USP10: variants seen among roughly 807,000 people sequenced by gnomAD.
The protein encoded by USP10 is ubiquitin carboxyl-terminal hydrolase 10.
Under a neutral mutation model 84.5 loss-of-function variants are expected in USP10, and 22 were observed. That is an observed-to-expected ratio of 0.26 (90% confidence interval 0.19 to 0.37). The LOEUF (loss-of-function observed/expected upper bound fraction) is 0.37, where lower values mean the gene tolerates loss of function less well. Ranked by LOEUF, USP10 falls within the 10% of genes least tolerant of loss-of-function variation. The pLI is 1.00. For missense variants in USP10, 1,019 were observed against 998.9 expected, an observed-to-expected ratio of 1.02 and a Z score of -0.27; for synonymous variants, 454 against 387.6, an observed-to-expected ratio of 1.17 and a Z score of -2.01.
intron 4 of USP10, among the ~76,000 whole-genome samples, chr16:84,755,525 T>C (rs1316001899): frequency 1.3e-5 from 2 of 152,036 alleles, no homozygotes; most frequent in African/African-American, 4.8e-5. Flanking sequence ...TGGGGACCTG[T>C]GCGTATGTTT....
intron 12 of USP10, among the ~76,000 whole-genome samples, chr16:84,773,793 T>C (rs1193988198): frequency 6.6e-6 from 1 of 152,190 alleles, no homozygotes; most frequent in African/African-American, 2.4e-5. Flanking sequence ...GCCGGCTAAG[T>C]CAAAGAAGGC....
intron 13 of USP10, among the ~76,000 whole-genome samples, chr16:84,777,794 G>A (rs1192258010): frequency 1.3e-5 from 2 of 152,230 alleles, no homozygotes; most frequent in Non-Finnish European, 2.9e-5. Context: ...TTTTAGTGCT[G>A]AAATTCCCTA....
rs190353332 is a variant in USP10 at position 84,718,755 on chromosome 16, C to G, written c.22-14680C>G. Among the ~76,000 whole-genome samples, 12 of 150,056 alleles carry G rather than the reference C, an allele frequency of 8.0e-5. No individual in the cohort carries two copies. The East Asian group carries it at 2.4e-3, about 29-fold the overall frequency. On this transcript the variant is annotated intron_variant, in intron 1 of 13. Coordinates refer to ENST00000219473, the MANE Select transcript of USP10 (RefSeq NM_005153.3). ...TGGGCAACAGAGCAAGACTGTCTGA[C>G]AAAAAAACAAAAAAAAAGTTTTTCT... is the stretch of plus-strand genomic sequence containing the variant.
intron 4 of USP10, among the ~76,000 whole-genome samples, chr16:84,758,056 C>T (rs369314047): frequency 6.6e-6 from 1 of 152,202 alleles, no homozygotes; most frequent in Non-Finnish European, 1.5e-5. Context: ...TTTTAATACA[C>T]AGAAAGAGTG....
intron 8 of USP10, among the ~76,000 whole-genome samples, chr16:84,760,837 A>G (rs1913125354): frequency 6.6e-6 from 1 of 152,160 alleles, no homozygotes; most frequent in Non-Finnish European, 1.5e-5. Context: ...TAGCACCGTT[A>G]ACTGGAGCAT....
At chr16:84,701,569 A>T (rs141630688) in intron 1 of USP10, among the ~76,000 whole-genome samples, 8 of 152,250 alleles carry the variant, frequency 5.3e-5, no homozygotes, top group African/African-American at 1.9e-4. Context: ...AAGGCTCATT[A>T]TGAATTAATG....
chr16:84,758,863 G>T, intron 5 of USP10, 56 bp downstream of exon 5: 1 of 1,295,234 alleles, frequency 7.7e-7, no homozygotes, highest in African/African-American at 1.5e-5. Flanking sequence ...TCCCTCCTTT[G>T]GGTGCATGTG....
chr16:84,762,340 C>A (rs1003369495), intron 8 of USP10, among the ~76,000 whole-genome samples: 3 of 152,154 alleles, frequency 2.0e-5, no homozygotes, highest in Non-Finnish European at 4.4e-5. Flanking sequence ...TCTAGTTCTT[C>A]GTCTTCTATT....
chr16:84,745,201 G>A lies in USP10; in HGVS notation c.720G>A (p.Gly240=). Residue 240 remains glycine, a synonymous_variant, in exon 4 of 14, where the codon GGG becomes GGA. Coordinates refer to ENST00000219473, the MANE Select transcript of USP10 (RefSeq NM_005153.3). The part of the protein sequence containing the change: ...GALGSDTRTA[G]QPEGGPGADF... The stretch of plus-strand genomic sequence containing the variant: ...TCGGCAGTGACACCAGGACTGCAGG[G>A]CAGCCAGAGGGGGGCCCCGGGGCTG... 1.2e-6 allele frequency: 2 copies of A among 1,613,294 alleles called. No homozygotes were observed. Among genetic ancestry groups the A allele is most frequent in the Non-Finnish European group, 1.7e-6 (2 of 1,179,592 alleles).
Position 84,742,209 on chromosome 16 carries a change from CTGTT to C in USP10, c.151+1842_151+1845del, listed in dbSNP as rs532664099. Reference sequence around the variant, plus strand: ...GGTTGTCCTTCACCTCAAGCACTGCCTGTTTTAGATGTTCCTAAAGCTTGAGATA... The same window carrying C: ...GGTTGTCCTTCACCTCAAGCACTGCCTTAGATGTTCCTAAAGCTTGAGATA... On this transcript the variant is annotated intron_variant, in intron 3 of 13. Coordinates refer to ENST00000219473, the MANE Select transcript of USP10 (RefSeq NM_005153.3). 1.5e-4 allele frequency among the ~76,000 whole-genome samples: 23 copies of C among 152,312 alleles called. No homozygotes were observed. The East Asian group carries it at 4.2e-3, about 28-fold the overall frequency.
intron 9 of USP10, among the ~76,000 whole-genome samples, chr16:84,763,350 C>G (rs1466540132): frequency 6.6e-6 from 1 of 152,202 alleles, no homozygotes; most frequent in Admixed American, 6.5e-5. Flanking sequence ...TTGATGAATA[C>G]CTTTATAATT....
At position 84,772,581 on chromosome 16, in the gene USP10, C is replaced by G. The variant is rs934436435; in HGVS notation, c.2039C>G (p.Pro680Arg). 3 of 1,613,864 alleles carry G rather than the reference C, an allele frequency of 1.9e-6. No individual in the cohort carries two copies. Among genetic ancestry groups the G allele is most frequent in the African/African-American group, 1.3e-5 (1 of 74,932 alleles). Residue 680 changes from proline (P) to arginine (R), a missense_variant, in exon 12 of 14, where the codon CCT becomes CGT. Pro to Arg is a moderately radical substitution (Grantham distance 103, BLOSUM62 -2). This residue lies in a region of USP10 where 232 missense variants were observed against 290.1 expected (regional missense o/e 0.80). Coordinates refer to ENST00000219473, the MANE Select transcript of USP10 (RefSeq NM_005153.3). ...SRRVTLEKLP[P>R]VLVLHLKRFV... ...AGAGTGACTCTGGAAAAACTCCCTC[C>G]TGTCCTCGTGCTGCACCTGAAACGA...
At position 84,771,054 on chromosome 16, in the gene USP10, C is replaced by CAA. The variant is rs34058047; in HGVS notation, c.1999-1472_1999-1471dup. Among the ~76,000 whole-genome samples, 1,085 of 130,684 alleles carry CAA rather than the reference C, an allele frequency of 8.3e-3. 8 individuals are homozygous for CAA. Among genetic ancestry groups the CAA allele is most frequent in the African/African-American group, 0.03 (1,018 of 33,610 alleles). The allele number at this position is 130,684 out of a possible 152,430, so 85.7% of individuals were successfully genotyped here. Reference sequence around the variant, plus strand: ...CCTCGATGACAGAGCGAGACTGTCTCAAAAAAAAAAAAAAAAGTGTTATCC... The same window carrying CAA: ...CCTCGATGACAGAGCGAGACTGTCTCAAAAAAAAAAAAAAAAAAGTGTTATCC... On this transcript the variant is annotated intron_variant, in intron 11 of 13. Coordinates refer to ENST00000219473, the MANE Select transcript of USP10 (RefSeq NM_005153.3).
intron 12 of USP10, among the ~76,000 whole-genome samples, chr16:84,773,701 G>A (rs1047894436): frequency 8.5e-5 from 13 of 152,262 alleles, no homozygotes; most frequent in South Asian, 2.1e-4. Flanking sequence ...TTGAGGACCA[G>A]CAAGAGGAAG....
At chr16:84,722,815 C>T (rs1476862047) in intron 1 of USP10, among the ~76,000 whole-genome samples, 1 of 152,194 alleles carries the variant, frequency 6.6e-6, no homozygotes, top group African/African-American at 2.4e-5. Context: ...CTCGGCCTCC[C>T]AAAGTGCTGG....
At chr16:84,739,498 C>A (rs187935169) in intron 2 of USP10, among the ~76,000 whole-genome samples, 1 of 152,166 alleles carries the variant, frequency 6.6e-6, no homozygotes, top group Non-Finnish European at 1.5e-5. Flanking sequence ...GTCTAGAACT[C>A]CTGACCTCAA....
At chr16:84,762,105 G>T (rs1913276819) in intron 8 of USP10, among the ~76,000 whole-genome samples, 1 of 152,236 alleles carries the variant, frequency 6.6e-6, no homozygotes. Context: ...AAACACTCGT[G>T]ATGTGGGATT....
At chr16:84,727,899 A>G (rs925566588) in intron 1 of USP10, among the ~76,000 whole-genome samples, 25 of 152,178 alleles carry the variant, frequency 1.6e-4, no homozygotes, top group South Asian at 2.1e-4. Context: ...TCCATATTCT[A>G]ATTTTGGGAG....
At chr16:84,718,268 T>C (rs1907317020) in intron 1 of USP10, among the ~76,000 whole-genome samples, 2 of 152,184 alleles carry the variant, frequency 1.3e-5, no homozygotes, top group Admixed American at 6.5e-5. Context: ...TCATTTATTT[T>C]ATTGAGACAG....
Sources: gnomAD v4.1 joint callset for allele counts (sites outside exome capture counted in the v4.1 genomes callset) on GRCh38, gnomAD v4.1.1 for gene constraint, gnomAD v4.1.1 regional missense constraint, MANE v1.5 for transcripts, NCBI Gene and HGNC (gene_info 2026-07-23, HGNC 2026-07-21) for gene names.